PDZD2: variants seen among roughly 807,000 people sequenced by gnomAD.
PDZD2 encodes the protein PDZ domain-containing protein 2.
PDZD2 carries 90 observed loss-of-function variants against 220.7 expected under a neutral mutation model. The ratio of observed to expected loss-of-function variants is 0.41; its 90% confidence interval spans 0.34 to 0.49. The LOEUF (loss-of-function observed/expected upper bound fraction) is 0.49, where lower values mean the gene tolerates loss of function less well. PDZD2 is among the 20% of genes least tolerant of loss of function. The pLI, the probability that PDZD2 is intolerant of heterozygous loss-of-function variation, is 0.28. For synonymous variants in PDZD2, 1,375 were observed against 1,450.5 expected (o/e 0.95, Z 1.18); for missense variants, 3,174 against 3,608.5 (o/e 0.88, Z 3.08).
intron 2 of PDZD2, among the ~76,000 whole-genome samples, chr5:31,876,722 T>C (rs1167918939): frequency 6.6e-6 from 1 of 152,230 alleles, no homozygotes; most frequent in Non-Finnish European, 1.5e-5. Flanking sequence ...ATAAACTCTG[T>C]AATTACAATG....
At position 32,107,961 on chromosome 5, in the gene PDZD2, T is replaced by C; in HGVS notation, c.8354-8T>C. The C allele has an allele frequency of 6.2e-7, 1 of 1,604,610 alleles. No homozygotes were observed. The highest frequency in any genetic ancestry group is 8.5e-7 in the Non-Finnish European group (1 of 1,173,752). ...AAGCTATTAATTATTCTGTGTTTAT[T>C]CTCGTAGGTGGTGCGGCTGAACAAG... On this transcript the variant is annotated splice_region_variant and splice_polypyrimidine_tract_variant and intron_variant, in intron 24 of 24. Coordinates refer to ENST00000438447, the MANE Select transcript of PDZD2 (RefSeq NM_178140.4).
intron 2 of PDZD2, among the ~76,000 whole-genome samples, chr5:31,826,598 C>T (rs922979508): frequency 2.0e-5 from 3 of 151,636 alleles, no homozygotes; most frequent in Non-Finnish European, 4.4e-5. Context: ...ATCACTTGAA[C>T]TCGGAAGGCA....
intron 1 of PDZD2, chr5:31,787,784 C>T (rs1337483021): frequency 6.6e-6 from 1 of 152,194 alleles, no homozygotes; most frequent in African/African-American, 2.4e-5. Flanking sequence ...AAACACCTCT[C>T]TCATCCCCTA....
intron 6 of PDZD2, among the ~76,000 whole-genome samples, chr5:32,036,001 T>A (rs1314568539): frequency 6.6e-6 from 1 of 152,166 alleles, no homozygotes; most frequent in African/African-American, 2.4e-5. Context: ...TGGAGTGCAG[T>A]AGCGTGATCT....
intron 10 of PDZD2, among the ~76,000 whole-genome samples, chr5:32,055,858 T>C (rs1302360914): frequency 6.6e-6 from 1 of 152,220 alleles, no homozygotes; most frequent in African/African-American, 2.4e-5. Flanking sequence ...TAGAACAATA[T>C]AAAATTCTAA....
intron 1 of PDZD2, chr5:31,661,675 A>G (rs1220021731): frequency 6.6e-6 from 1 of 152,108 alleles, no homozygotes; most frequent in Non-Finnish European, 1.5e-5. Context: ...GTGACTATTC[A>G]GAGAGTTTCT....
At chr5:31,883,225 T>TC (rs1355955469) in intron 2 of PDZD2, among the ~76,000 whole-genome samples, 7 of 141,308 alleles carry the variant, frequency 5.0e-5, no homozygotes, top group Non-Finnish European at 7.7e-5. Flanking sequence ...CCTTTTTTTT[T>TC]TTTTTTTTTT....
In PDZD2 at chr5:32,090,196, C is replaced by A; in HGVS notation, c.6748C>A (p.Gln2250Lys). 6.2e-7 allele frequency: 1 copy of A among 1,614,122 alleles called. No homozygotes were observed. The highest frequency in any genetic ancestry group is 8.5e-7 in the Non-Finnish European group (1 of 1,180,008). Residue 2250 changes from glutamine (Q) to lysine (K), a missense_variant, in exon 20 of 25, where the codon CAG becomes AAG. Physicochemically the swap from Gln to Lys is moderately conservative, Grantham distance 53. Transcript: ENST00000438447. This position sits in a 1 kb window ranked among gnomAD's most constrained non-coding sequence, Gnocchi z 4.3. Reference protein sequence around the residue: ...PHSLGRSRDSQVPVTSSVVPE... With the variant: ...PHSLGRSRDSKVPVTSSVVPE... ...CAGCCTGGGTCGCTCTCGGGACAGC[C>A]AGGTCCCTGTGACAAGCAGTGTTGT...
chr5:31,746,781 A>G (rs1750628048), intron 1 of PDZD2, among the ~76,000 whole-genome samples: 1 of 152,242 alleles, frequency 6.6e-6, no homozygotes, highest in Non-Finnish European at 1.5e-5. Flanking sequence ...AAGAGGAGGA[A>G]AGATTTATTT....
intron 2 of PDZD2, among the ~76,000 whole-genome samples, chr5:31,869,551 G>A (rs568894428): frequency 1.3e-3 from 195 of 151,926 alleles, no homozygotes; most frequent in Middle Eastern, 3.4e-3. Flanking sequence ...GCGACAGAGC[G>A]AGACTCTGTC....
At chr5:32,005,104 A>G (rs1752697980) in intron 5 of PDZD2, among the ~76,000 whole-genome samples, 1 of 152,202 alleles carries the variant, frequency 6.6e-6, no homozygotes, top group Non-Finnish European at 1.5e-5. Flanking sequence ...GCCTCTTGAC[A>G]TGTTTCTCTT....
chr5:32,006,559 T>C (rs1216456633), intron 5 of PDZD2, among the ~76,000 whole-genome samples: 1 of 151,946 alleles, frequency 6.6e-6, no homozygotes, highest in African/African-American at 2.4e-5. Flanking sequence ...CAATTTTTTG[T>C]AGAGGCAATC....
At chr5:31,874,272 C>G (rs1326729896) in intron 2 of PDZD2, among the ~76,000 whole-genome samples, 1 of 152,166 alleles carries the variant, frequency 6.6e-6, no homozygotes, top group African/African-American at 2.4e-5. Context: ...GACCAAACAA[C>G]TTGGGCACTA....
intron 1 of PDZD2, among the ~76,000 whole-genome samples, chr5:31,783,673 T>A (rs1753192989): frequency 6.6e-6 from 1 of 152,098 alleles, no homozygotes; most frequent in South Asian, 2.1e-4. Context: ...ATTCCCCAGA[T>A]CGGCAGCGTG....
At chr5:31,977,108 G>A (rs892470224) in intron 2 of PDZD2, among the ~76,000 whole-genome samples, 41 of 150,944 alleles carry the variant, frequency 2.7e-4, no homozygotes, top group African/African-American at 3.9e-4. Flanking sequence ...CCCTCCTACC[G>A]TGGCCTCCAA....
rs555968861 is a variant in PDZD2, at chr5:31,932,754, A to C, written c.477-50401A>C. 2.6e-5 allele frequency among the ~76,000 whole-genome samples: 4 copies of C among 152,304 alleles called. No homozygotes were observed. In the East Asian group the frequency reaches 7.7e-4, roughly 29 times the overall value. On this transcript the variant is annotated intron_variant, in intron 2 of 24. Transcript: ENST00000438447. The stretch of plus-strand genomic sequence containing the variant: ...AACTGAAACTCTGGATCCATTAAGC[A>C]GTAACTTCCCATTCCTCCTCTCCCC...
At chr5:32,091,944 T>C (rs1340358774) in intron 20 of PDZD2, among the ~76,000 whole-genome samples, 1 of 152,146 alleles carries the variant, frequency 6.6e-6, no homozygotes, top group East Asian at 1.9e-4. Flanking sequence ...TGGAGGTGGC[T>C]GGAGTTAAAC....
rs369481400 is a variant in PDZD2 at position 31,816,245 on chromosome 5, G to A, written c.476+16521G>A. Among the ~76,000 whole-genome samples the A allele has an allele frequency of 8.2e-5, 12 of 146,606 alleles. No individual in the cohort carries two copies. The East Asian group carries it at 9.8e-4, about 12-fold the overall frequency. Reference sequence around the variant, plus strand: ...GGAGCTTGCAGTGAGCCGAGATCGCGCCACTGCACTCCAGCCTGGGCGACA... The same window carrying A: ...GGAGCTTGCAGTGAGCCGAGATCGCACCACTGCACTCCAGCCTGGGCGACA... On this transcript the variant is annotated intron_variant, in intron 2 of 24. Transcript: ENST00000438447.
intron 2 of PDZD2, among the ~76,000 whole-genome samples, chr5:31,830,748 T>C (rs952621040): frequency 6.6e-6 from 1 of 152,144 alleles, no homozygotes. Context: ...AAGTTACATG[T>C]TTTTTCATGA....
Sources: allele counts gnomAD v4.1 joint callset (sites outside exome capture counted in the v4.1 genomes callset), GRCh38; gene constraint gnomAD v4.1.1; non-coding constraint Gnocchi (gnomAD v3.1); transcripts MANE v1.5; gene names NCBI Gene and HGNC (gene_info 2026-07-23, HGNC 2026-07-21).